KLHL2: variants seen among roughly 807,000 people sequenced by gnomAD.
KLHL2 encodes the protein kelch like family member 2, also known as kelch-like protein 2.
KLHL2 carries 15 observed loss-of-function variants against 75.8 expected under a neutral mutation model. That is an observed-to-expected ratio of 0.20 (90% confidence interval 0.13 to 0.30). The LOEUF is 0.30. Ranked by LOEUF, KLHL2 falls within the 10% of genes least tolerant of loss-of-function variation. The pLI is 1.00. For synonymous variants in KLHL2, 214 were observed against 251.9 expected, an observed-to-expected ratio of 0.85 and a Z score of 1.42; for missense variants, 381 against 741.0, an observed-to-expected ratio of 0.51 and a Z score of 5.64.
intron 5 of KLHL2, among the ~76,000 whole-genome samples, chr4:165,274,986 C>T (rs1453729062): frequency 1.3e-5 from 2 of 152,218 alleles, no homozygotes; most frequent in African/African-American, 4.8e-5. Context: ...CACCCTGCTT[C>T]TCCAAGGCGT....
intron 1 of KLHL2, among the ~76,000 whole-genome samples, chr4:165,218,442 T>C (rs1737712550): frequency 6.6e-6 from 1 of 152,174 alleles, no homozygotes; most frequent in African/African-American, 2.4e-5. Context: ...CCCTAGTCTT[T>C]TGTTCAAATC....
chr4:165,310,405 A>T, intron 9 of KLHL2, 148 bp from the exon 10 acceptor site: 1 of 681,410 alleles, frequency 1.5e-6, no homozygotes, highest in Non-Finnish European at 2.6e-6. Context: ...CTTGCAAATG[A>T]ATAGCATTTT....
intron 1 of KLHL2, chr4:165,219,688 G>A (rs966555182): frequency 1.8e-5 from 23 of 1,268,692 alleles, no homozygotes; most frequent in Admixed American, 3.8e-5. Context: ...TGAATATTCT[G>A]TGTTGATCTT....
chr4:165,313,023 G>T (rs1746326002), intron 11 of KLHL2, among the ~76,000 whole-genome samples: 1 of 152,078 alleles, frequency 6.6e-6, no homozygotes, highest in South Asian at 2.1e-4. Context: ...AACATCATCA[G>T]CTATACCCTG....
chr4:165,214,908 T>G (rs1737433638), intron 1 of KLHL2, among the ~76,000 whole-genome samples: 2 of 151,998 alleles, frequency 1.3e-5, no homozygotes, highest in South Asian at 4.2e-4. Flanking sequence ...TTTTTTTTCT[T>G]GGAGAAGTAA....
At chr4:165,218,244 G>GTC (rs1383132601) in intron 1 of KLHL2, among the ~76,000 whole-genome samples, 1 of 152,128 alleles carries the variant, frequency 6.6e-6, no homozygotes, top group Admixed American at 6.6e-5. Context: ...CTCTTTTGCA[G>GTC]TGTCTCCTCA....
chr4:165,209,893 T>G, intron 1 of KLHL2: 2 of 704,534 alleles, frequency 2.8e-6, no homozygotes, highest in Non-Finnish European at 4.4e-6. Context: ...TCAGAAATAG[T>G]TTTTTTCCTT....
At chr4:165,223,277 T>C (rs368583806) in intron 2 of KLHL2, among the ~76,000 whole-genome samples, 35 of 152,346 alleles carry the variant, frequency 2.3e-4, no homozygotes, top group African/African-American at 7.0e-4. Context: ...ACTTAGGCCA[T>C]GCCCTCTGAG....
chr4:165,229,931 C>T lies in KLHL2; in HGVS notation c.259+1018C>T, dbSNP rs200518918. Among the ~76,000 whole-genome samples the T allele has an allele frequency of 6.4e-4, 97 of 151,788 alleles. No individual in the cohort carries two copies. The East Asian group carries it at 0.013, about 20-fold the overall frequency. On this transcript the variant is annotated intron_variant, in intron 3 of 14. Transcript: ENST00000226725. ...GGGAGTAGTGAGGAGACCAGAGCCC[C>T]GCTCAGTTTTCAGCCTTTTATGATC...
At chr4:165,274,740 A>G (rs1383683346) in intron 5 of KLHL2, among the ~76,000 whole-genome samples, 2 of 152,380 alleles carry the variant, frequency 1.3e-5, no homozygotes, top group East Asian at 3.9e-4. Context: ...TTATAATTAA[A>G]TTAAATTGTA....
intron 8 of KLHL2, among the ~76,000 whole-genome samples, chr4:165,304,100 C>T (rs1410365338): frequency 1.3e-5 from 2 of 151,132 alleles, no homozygotes; most frequent in African/African-American, 4.9e-5. Flanking sequence ...CCAGGCTGGT[C>T]TTGAACTCCT....
At chr4:165,283,468 A>G (rs1465372469) in intron 5 of KLHL2, among the ~76,000 whole-genome samples, 1 of 152,248 alleles carries the variant, frequency 6.6e-6, no homozygotes, top group Non-Finnish European at 1.5e-5. Flanking sequence ...GGCCCCATGC[A>G]AGTCTGAAAT....
At chr4:165,267,641 C>T (rs1217248113) in intron 5 of KLHL2, among the ~76,000 whole-genome samples, 1 of 152,076 alleles carries the variant, frequency 6.6e-6, no homozygotes, top group Non-Finnish European at 1.5e-5. Flanking sequence ...TTGAACCAGC[C>T]TTGCATCCCA....
Position 165,207,763 on chromosome 4 carries a change from C to G in KLHL2, c.-114C>G, listed in dbSNP as rs1402125081. 5.6e-6 allele frequency: 5 copies of G among 894,684 alleles called. No individual in the cohort carries two copies. The highest frequency in any genetic ancestry group is 3.0e-5 in the Admixed American group (1 of 33,248). The allele number at this position is 894,684 out of a possible 1,614,324, so 55.4% of individuals were successfully genotyped here. On this transcript the variant is annotated 5_prime_UTR_variant, in exon 1 of 15. Coordinates refer to ENST00000226725, the MANE Select transcript of KLHL2 (RefSeq NM_007246.4). The surrounding 1 kb of genome is among the most constrained non-coding windows in gnomAD (Gnocchi z 4.2). ...GCGCGGTGAGGAGAGCGCGGCGCCC[C>G]CTCCGGGGCGGATGGAACGCGGCTC...
intron 4 of KLHL2, among the ~76,000 whole-genome samples, chr4:165,254,809 C>T (rs953165373): frequency 6.6e-6 from 1 of 152,222 alleles, no homozygotes; most frequent in African/African-American, 2.4e-5. Context: ...TCCCTGATTA[C>T]ATCTTTTATG....
chr4:165,268,143 G>A (rs1327255643), intron 5 of KLHL2, among the ~76,000 whole-genome samples: 1 of 152,040 alleles, frequency 6.6e-6, no homozygotes, highest in African/African-American at 2.4e-5. Context: ...TATTGCTGTG[G>A]GATTGGTGGT....
At chr4:165,311,064 A>G (rs1238851906) in intron 10 of KLHL2, among the ~76,000 whole-genome samples, 1 of 151,904 alleles carries the variant, frequency 6.6e-6, no homozygotes, top group Non-Finnish European at 1.5e-5. Flanking sequence ...TCACCATGTT[A>G]GCCAGGATGG....
intron 3 of KLHL2, among the ~76,000 whole-genome samples, chr4:165,234,777 T>G (rs1249403794): frequency 6.6e-6 from 1 of 151,468 alleles, no homozygotes; most frequent in African/African-American, 2.4e-5. Flanking sequence ...ATGGAAATGT[T>G]TTTAGCCATA....
chr4:165,261,583 C>T (rs1221881662), intron 4 of KLHL2, among the ~76,000 whole-genome samples: 2 of 152,226 alleles, frequency 1.3e-5, no homozygotes, highest in African/African-American at 4.8e-5. Context: ...AAGTGATCCA[C>T]CTGCCTCGGC....
Sources: allele counts gnomAD v4.1 joint callset (sites outside exome capture counted in the v4.1 genomes callset), GRCh38; gene constraint gnomAD v4.1.1; non-coding constraint Gnocchi (gnomAD v3.1); transcripts MANE v1.5; gene names NCBI Gene and HGNC (gene_info 2026-07-23, HGNC 2026-07-21).